Variants in TRABD2B observed in about 807,000 individuals in gnomAD.
TRABD2B encodes the protein metalloprotease TIKI2.
Under a neutral mutation model 40.1 loss-of-function variants are expected in TRABD2B, and 14 were observed. The ratio of observed to expected loss-of-function variants is 0.35; its 90% CI spans 0.23 to 0.55. The LOEUF is 0.55. Among genes scored for constraint, TRABD2B ranks in the 20% least tolerant of loss-of-function variants. TRABD2B has a pLI of 0.90. For missense variants in TRABD2B, 541 were observed against 648.6 expected (o/e 0.83, Z 1.80); for synonymous variants, 263 against 277.0 (o/e 0.95, Z 0.50).
intron 2 of TRABD2B, among the ~76,000 whole-genome samples, chr1:47,849,965 C>A (rs1028415636): frequency 6.6e-6 from 1 of 152,262 alleles, no homozygotes; most frequent in South Asian, 2.1e-4. Context: ...CCAGCCAGCA[C>A]TGGCCCACAG....
intron 2 of TRABD2B, among the ~76,000 whole-genome samples, chr1:47,962,377 T>C (rs868600411): frequency 2.6e-5 from 4 of 151,852 alleles, no homozygotes; most frequent in Non-Finnish European, 5.9e-5. Flanking sequence ...AACAAACAAA[T>C]AAATAAATAA....
chr1:47,954,383 G>C (rs1326351457), intron 2 of TRABD2B, among the ~76,000 whole-genome samples: 3 of 152,150 alleles, frequency 2.0e-5, no homozygotes, highest in Non-Finnish European at 2.9e-5. Context: ...AGTCACTACA[G>C]TATCAAGTAC....
chr1:47,933,992 A>T (rs907272122), intron 2 of TRABD2B, among the ~76,000 whole-genome samples: 1 of 152,200 alleles, frequency 6.6e-6, no homozygotes, highest in African/African-American at 2.4e-5. Context: ...ACAGATGGCT[A>T]AGGGTTGTTT....
rs182750836 is a variant in TRABD2B at position 47,917,019 on chromosome 1, G to A, written c.666+77015C>T. 6.2e-3 allele frequency among the ~76,000 whole-genome samples: 944 copies of A among 152,356 alleles called. 10 individuals are homozygous for A. Among genetic ancestry groups the A allele is most frequent in the Non-Finnish European group, 8.3e-3 (566 of 68,036 alleles). ...CAGATGAGAAAACAGACCCTGAGAG[G>A]TTAAGTGATTTGTTCAAGACCACGC... On this transcript the variant is annotated intron_variant, in intron 2 of 6. Transcript: ENST00000606738.
At chr1:47,790,892 A>G (rs1405408854) in intron 4 of TRABD2B, among the ~76,000 whole-genome samples, 1 of 152,218 alleles carries the variant, frequency 6.6e-6, no homozygotes, top group Non-Finnish European at 1.5e-5. Flanking sequence ...ATCCAGAACA[A>G]TCCCATGAGG....
chr1:47,875,674 CAAAAAAAAA>C (rs10541556), intron 2 of TRABD2B, among the ~76,000 whole-genome samples: 3 of 75,934 alleles, frequency 4.0e-5, no homozygotes, highest in East Asian at 7.2e-4. Flanking sequence ...AACCCTGTCT[CAAAAAAAAA>C]AAAAAAAAAA....
intron 2 of TRABD2B, among the ~76,000 whole-genome samples, chr1:47,933,107 AT>A (rs35311752): frequency 0.33 from 46,629 of 140,020 alleles, 7,524 homozygotes; most frequent in African/African-American, 0.46. Flanking sequence ...ATCTCCTGTC[AT>A]TTTTTTTTTT....
chr1:47,902,702 G>T (rs982302250), intron 2 of TRABD2B, among the ~76,000 whole-genome samples: 1 of 152,080 alleles, frequency 6.6e-6, no homozygotes, highest in African/African-American at 2.4e-5. Flanking sequence ...TTGCCAGGCT[G>T]GTCTTGAACT....
At chr1:47,949,817 G>A (rs1645315453) in intron 2 of TRABD2B, among the ~76,000 whole-genome samples, 1 of 152,172 alleles carries the variant, frequency 6.6e-6, no homozygotes. Flanking sequence ...TGAAAATCAA[G>A]ACACAACATT....
intron 2 of TRABD2B, among the ~76,000 whole-genome samples, chr1:47,956,920 C>T (rs978894613): frequency 1.7e-4 from 26 of 152,356 alleles, no homozygotes; most frequent in African/African-American, 6.0e-4. Flanking sequence ...AAGTGGGTCC[C>T]TGACCCATGA....
At chr1:47,917,441 C>T (rs988951306) in intron 2 of TRABD2B, among the ~76,000 whole-genome samples, 2 of 152,184 alleles carry the variant, frequency 1.3e-5, no homozygotes, top group Non-Finnish European at 2.9e-5. Flanking sequence ...GAGTTCTTGG[C>T]CAGGTGCAGT....
At chr1:47,940,809 G>A (rs1278298715) in intron 2 of TRABD2B, among the ~76,000 whole-genome samples, 1 of 152,240 alleles carries the variant, frequency 6.6e-6, no homozygotes, top group Non-Finnish European at 1.5e-5. Flanking sequence ...AATAAAGGCA[G>A]CAGTGTGGGG....
chr1:47,770,393 A>G (rs1052070921), intron 6 of TRABD2B, among the ~76,000 whole-genome samples: 7 of 152,020 alleles, frequency 4.6e-5, no homozygotes, highest in African/African-American at 1.5e-4. Flanking sequence ...CCGCCTCCAC[A>G]CCTTTGTCCA....
chr1:47,923,934 ACACACACAC>A (rs1393573100), intron 2 of TRABD2B, among the ~76,000 whole-genome samples: 1 of 140,092 alleles, frequency 7.1e-6, no homozygotes, highest in Admixed American at 7.2e-5. Context: ...ACACACACAC[ACACACACAC>A]ACACACACAC....
intron 2 of TRABD2B, among the ~76,000 whole-genome samples, chr1:47,894,749 G>A (rs1406823840): frequency 6.6e-6 from 1 of 152,206 alleles, no homozygotes; most frequent in African/African-American, 2.4e-5. Context: ...AACAAGCCAA[G>A]AGTGAAGAAT....
intron 2 of TRABD2B, among the ~76,000 whole-genome samples, chr1:47,987,578 T>C (rs1303242736): frequency 6.6e-6 from 1 of 152,190 alleles, no homozygotes; most frequent in Non-Finnish European, 1.5e-5. Flanking sequence ...TGCTCCTGCT[T>C]CTGTGTGTGT....
At chr1:47,965,222 GTGGGGGGGGTGGATGGGGAGGT>G (rs1645583874) in intron 2 of TRABD2B, among the ~76,000 whole-genome samples, 1 of 105,328 alleles carries the variant, frequency 9.5e-6, no homozygotes, top group African/African-American at 3.8e-5. Flanking sequence ...GGAGGGGGGG[GTGGGGGGGGTGGATGGGGAGGT>G]GGGGGGAAAG....
At chr1:47,809,117 C>T (rs969911090) in intron 2 of TRABD2B, among the ~76,000 whole-genome samples, 6 of 152,108 alleles carry the variant, frequency 3.9e-5, no homozygotes, top group Non-Finnish European at 7.4e-5. Flanking sequence ...GCTGACACTC[C>T]CCTTTGCACC....
intron 2 of TRABD2B, among the ~76,000 whole-genome samples, chr1:47,969,398 A>T (rs775989651): frequency 2.0e-5 from 3 of 152,214 alleles, no homozygotes; most frequent in Non-Finnish European, 4.4e-5. Flanking sequence ...CATGCCGTGC[A>T]GAGGGAGATG....
Sources: allele counts gnomAD v4.1 joint callset (sites outside exome capture counted in the v4.1 genomes callset), GRCh38; gene constraint gnomAD v4.1.1; transcripts MANE v1.5; gene names NCBI Gene and HGNC (gene_info 2026-07-23, HGNC 2026-07-21).